The following SHISAL2B variants were observed in gnomAD, a reference collection of about 807,000 sequenced individuals.
SHISAL2B encodes shisa like 2B.
A neutral mutation model predicts 16.5 loss-of-function variants in SHISAL2B; 12 were observed. The observed-to-expected ratio is 0.73, with a 90% confidence interval of 0.47 to 1.18. The LOEUF (loss-of-function observed/expected upper bound fraction) is 1.18, where lower values mean the gene tolerates loss of function less well. Among genes scored for constraint, SHISAL2B ranks in the 50% most tolerant of loss-of-function variants. The pLI is 0.00. For synonymous variants in SHISAL2B, 72 were observed against 75.0 expected, an observed-to-expected ratio of 0.96 and a Z score of 0.21; for missense variants, 183 against 193.6, an observed-to-expected ratio of 0.95 and a Z score of 0.33.
intron 2 of SHISAL2B, among the ~76,000 whole-genome samples, chr5:64,698,231 C>T (rs910990703): frequency 2.0e-5 from 3 of 152,208 alleles, no homozygotes; most frequent in Non-Finnish European, 2.9e-5. Flanking sequence ...AGTAGCTCCT[C>T]TTTCTGCTTC....
chr5:64,698,471 A>G (rs1174914971), intron 2 of SHISAL2B, among the ~76,000 whole-genome samples: 1 of 152,002 alleles, frequency 6.6e-6, no homozygotes, highest in Non-Finnish European at 1.5e-5. Flanking sequence ...GAACTTCCTG[A>G]CTCAGGGTCT....
At position 64,690,711 on chromosome 5, in the gene SHISAL2B, G is replaced by T. The variant is rs1041778999; in HGVS notation, c.88G>T (p.Gly30Trp). Residue 30 changes from glycine (G) to tryptophan (W), a missense_variant, in exon 1 of 3, where the codon GGG becomes TGG. Coordinates refer to ENST00000389074, the MANE Select transcript of SHISAL2B (RefSeq NM_001164442.2). ...EPFQCPRRGE[G>W]AALQYCCGFA... ...CTTCCAGTGCCCCCGGCGCGGCGAG[G>T]GGGCAGCGCTCCAGTATTGCTGCGG... 42 of 1,535,694 alleles carry T rather than the reference G, an allele frequency of 2.7e-5. No homozygotes were observed. Among genetic ancestry groups the T allele is most frequent in the Non-Finnish European group, 3.6e-5 (41 of 1,146,656 alleles).
intron 2 of SHISAL2B, among the ~76,000 whole-genome samples, chr5:64,715,548 G>A (rs1334888422): frequency 6.6e-6 from 1 of 152,138 alleles, no homozygotes; most frequent in Non-Finnish European, 1.5e-5. Flanking sequence ...CAGGACTTGT[G>A]GGTCTCTGAA....
chr5:64,718,180 C>A lies in SHISAL2B; in HGVS notation c.*158C>A. 1 of 542,756 alleles carries A rather than the reference C, an allele frequency of 1.8e-6. No homozygotes were observed. The highest frequency in any genetic ancestry group is 3.0e-6 in the Non-Finnish European group (1 of 332,226). 33.6% of individuals were successfully genotyped at this position (542,756 alleles called of 1,614,324 possible). ...TCATTCAGTTACTTTATTAAACGCA[C>A]ATTAAGGTTTTATTGGTTTTCCTTT... is the stretch of plus-strand genomic sequence containing the variant. On this transcript the variant is annotated 3_prime_UTR_variant, in exon 3 of 3. Coordinates refer to ENST00000389074, the MANE Select transcript of SHISAL2B (RefSeq NM_001164442.2).
At position 64,714,603 on chromosome 5, in the gene SHISAL2B, G is replaced by T. The variant is rs538590475; in HGVS notation, c.350-3286G>T. On this transcript the variant is annotated intron_variant, in intron 2 of 2. Transcript: ENST00000389074. ...CTTCCCGGCTGCTTTGTTTACCTAA[G>T]CAAGCCTGGGCAATGGTGGGCGCCC... Among the ~76,000 whole-genome samples the T allele has an allele frequency of 1.1e-3, 168 of 152,202 alleles. 1 individual carries two copies. The highest frequency in any genetic ancestry group is 3.4e-3 in the Middle Eastern group (1 of 294).
At chr5:64,699,955 C>G (rs532404111) in intron 2 of SHISAL2B, among the ~76,000 whole-genome samples, 1 of 152,188 alleles carries the variant, frequency 6.6e-6, no homozygotes, top group Non-Finnish European at 1.5e-5. Flanking sequence ...TCATTCTGTA[C>G]AGAGGACCTA....
intron 2 of SHISAL2B, among the ~76,000 whole-genome samples, chr5:64,708,847 A>T (rs1032062635): frequency 6.6e-6 from 1 of 152,156 alleles, no homozygotes; most frequent in Non-Finnish European, 1.5e-5. Flanking sequence ...TACAAGTAGA[A>T]TATTAAGTAA....
At chr5:64,693,734 G>A (rs964991106) in intron 1 of SHISAL2B, among the ~76,000 whole-genome samples, 8 of 152,106 alleles carry the variant, frequency 5.3e-5, no homozygotes, top group African/African-American at 1.9e-4. Context: ...AAGAGGAGTC[G>A]CCAAATATAG....
chr5:64,708,375 G>A (rs1418046012), intron 2 of SHISAL2B, among the ~76,000 whole-genome samples: 1 of 152,118 alleles, frequency 6.6e-6, no homozygotes, highest in East Asian at 1.9e-4. Flanking sequence ...TTGATATCAT[G>A]AAATAAGATC....
intron 2 of SHISAL2B, among the ~76,000 whole-genome samples, chr5:64,696,711 G>C (rs938622079): frequency 4.6e-5 from 7 of 152,152 alleles, no homozygotes; most frequent in African/African-American, 9.7e-5. Flanking sequence ...CCCCACCCTG[G>C]TGAATTTGAG....
chr5:64,694,613 G>A (rs535638872), intron 1 of SHISAL2B, among the ~76,000 whole-genome samples: 1 of 152,242 alleles, frequency 6.6e-6, no homozygotes, highest in South Asian at 2.1e-4. Context: ...AAATACACGG[G>A]CTTCTTCCTT....
At chr5:64,691,797 C>T (rs1741654653) in intron 1 of SHISAL2B, among the ~76,000 whole-genome samples, 1 of 152,100 alleles carries the variant, frequency 6.6e-6, no homozygotes, top group African/African-American at 2.4e-5. Context: ...GAACGAGCTC[C>T]CACCTTAAAT....
intron 1 of SHISAL2B, chr5:64,694,291 A>T: frequency 3.5e-6 from 1 of 286,810 alleles, no homozygotes; most frequent in South Asian, 3.2e-5. Context: ...AAGTGTGTAC[A>T]ACACTACCAT....
At chr5:64,697,799 A>C (rs1435747155) in intron 2 of SHISAL2B, among the ~76,000 whole-genome samples, 1 of 152,222 alleles carries the variant, frequency 6.6e-6, no homozygotes, top group Non-Finnish European at 1.5e-5. Flanking sequence ...CCCCACCCAT[A>C]TGCTCTATTT....
chr5:64,693,627 G>A (rs1741686397), intron 1 of SHISAL2B, among the ~76,000 whole-genome samples: 1 of 152,140 alleles, frequency 6.6e-6, no homozygotes, highest in Non-Finnish European at 1.5e-5. Context: ...TTAACTGAGT[G>A]GATTACATTC....
chr5:64,691,271 G>A (rs1741646916), intron 1 of SHISAL2B: 1 of 158,014 alleles, frequency 6.3e-6, no homozygotes. Context: ...AGGCTCCTAT[G>A]GGGCTCTTCT....
At chr5:64,705,519 AC>A (rs1397737462) in intron 2 of SHISAL2B, among the ~76,000 whole-genome samples, 1 of 152,222 alleles carries the variant, frequency 6.6e-6, no homozygotes, top group Non-Finnish European at 1.5e-5. Context: ...AATTTTAGAT[AC>A]TTAAATCGGT....
intron 1 of SHISAL2B, chr5:64,694,225 A>C (rs762433677): frequency 1.0e-4 from 38 of 373,888 alleles, no homozygotes; most frequent in Non-Finnish European, 1.8e-4. Context: ...GTCAATTATT[A>C]TTTATTTACA....
At chr5:64,692,136 T>A (rs1477760163) in intron 1 of SHISAL2B, among the ~76,000 whole-genome samples, 1 of 152,166 alleles carries the variant, frequency 6.6e-6, no homozygotes, top group Non-Finnish European at 1.5e-5. Flanking sequence ...GAAATCTATA[T>A]TGCACTGGTT....
Sources: gnomAD v4.1 joint callset for allele counts (sites outside exome capture counted in the v4.1 genomes callset) on GRCh38, gnomAD v4.1.1 for gene constraint, MANE v1.5 for transcripts, NCBI Gene and HGNC (gene_info 2026-07-23, HGNC 2026-07-21) for gene names.